Variants in RBFOX3 observed in about 807,000 individuals in gnomAD.
The protein encoded by RBFOX3 is RNA binding protein fox-1 homolog 3.
In RBFOX3, 17 loss-of-function variants were observed where a neutral mutation model predicts 48.7. The observed-to-expected ratio is 0.35, with a 90% CI of 0.24 to 0.52. RBFOX3 has a LOEUF of 0.52. Ranked by LOEUF, RBFOX3 falls within the 20% of genes least tolerant of loss-of-function variation. RBFOX3 has a pLI of 0.94. For missense variants in RBFOX3, 382 were observed against 497.5 expected, an observed-to-expected ratio of 0.77 and a Z score of 2.21; for synonymous variants, 212 against 209.5, an observed-to-expected ratio of 1.01 and a Z score of -0.10.
At chr17:79,210,902 T>C (rs192508344) in intron 4 of RBFOX3, among the ~76,000 whole-genome samples, 45 of 150,880 alleles carry the variant, frequency 3.0e-4, no homozygotes, top group Admixed American at 3.0e-3. Context: ...TGAGCACCTC[T>C]GCAGAGGGAT....
chr17:79,299,200 C>A lies in RBFOX3; in HGVS notation c.-74+8524G>T. Among the ~76,000 whole-genome samples the A allele has an allele frequency of 6.6e-6, 1 of 151,882 alleles. No homozygotes were observed. On this transcript the variant is annotated intron_variant, in intron 3 of 14. Transcript: ENST00000693108. The surrounding 1 kb of genome is among the most constrained non-coding windows in gnomAD (Gnocchi z 4.5). ...GTGGGATGTGAGGGCGGGTCCCATTCCTGAAAGTAAACCTGGCAAACCCTG... is the reference window on the plus strand; with the variant it reads ...GTGGGATGTGAGGGCGGGTCCCATTACTGAAAGTAAACCTGGCAAACCCTG...
At chr17:79,239,879 G>A (rs2062113562) in intron 3 of RBFOX3, among the ~76,000 whole-genome samples, 1 of 152,236 alleles carries the variant, frequency 6.6e-6, no homozygotes, top group Non-Finnish European at 1.5e-5. Flanking sequence ...TGGACACTTT[G>A]AGAATAATAT....
At chr17:79,521,943 C>T (rs1420648541) in intron 1 of RBFOX3, among the ~76,000 whole-genome samples, 1 of 152,140 alleles carries the variant, frequency 6.6e-6, no homozygotes, top group Non-Finnish European at 1.5e-5. Context: ...TCAGTGAAGT[C>T]GGTGGCTCAG....
At chr17:79,449,229 TA>T (rs1257519789) in intron 2 of RBFOX3, among the ~76,000 whole-genome samples, 1 of 151,924 alleles carries the variant, frequency 6.6e-6, no homozygotes, top group Non-Finnish European at 1.5e-5. Context: ...TGAAGAAAAT[TA>T]ACAATTACAG....
chr17:79,183,022 G>A (rs1301312997), intron 4 of RBFOX3, among the ~76,000 whole-genome samples: 2 of 150,372 alleles, frequency 1.3e-5, no homozygotes, highest in Non-Finnish European at 3.0e-5. Flanking sequence ...AAAGTTGCGA[G>A]CGACGCCCCA....
chr17:79,362,874 G>C lies in RBFOX3; in HGVS notation c.-174-55050C>G, dbSNP rs141164692. Among the ~76,000 whole-genome samples, 6 of 152,090 alleles carry C rather than the reference G, an allele frequency of 3.9e-5. No individual in the cohort carries two copies. The highest frequency in any genetic ancestry group is 1.4e-4 in the African/African-American group (6 of 41,418). On this transcript the variant is annotated intron_variant, in intron 2 of 14. Coordinates refer to ENST00000693108, the MANE Select transcript of RBFOX3 (RefSeq NM_001350451.2). The surrounding 1 kb of genome is among the most constrained non-coding windows in gnomAD (Gnocchi z 4.2). ...GGCTCTGTGTGCAGACCTCATTCTC[G>C]GACACTTCGAGGCCACACAGGTGTG...
chr17:79,625,470 T>C, the RBFOX3 span, among the ~76,000 whole-genome samples: 1 of 152,206 alleles, frequency 6.6e-6, no homozygotes, highest in Non-Finnish European at 1.5e-5. Context: ...AACATTTGGA[T>C]GGACATGTGC....
At chr17:79,377,631 C>A (rs537342809) in intron 2 of RBFOX3, among the ~76,000 whole-genome samples, 2 of 152,184 alleles carry the variant, frequency 1.3e-5, no homozygotes, top group African/African-American at 4.8e-5. Flanking sequence ...GGAGCCAGAA[C>A]GGCATTGTGT....
intron 2 of RBFOX3, among the ~76,000 whole-genome samples, chr17:79,367,795 G>A (rs1743366286): frequency 1.3e-5 from 2 of 152,134 alleles, no homozygotes; most frequent in African/African-American, 4.8e-5. Flanking sequence ...GTATGTGACA[G>A]AGGAGGAATC....
chr17:79,545,070 G>C (rs1555791483), intron 1 of RBFOX3, among the ~76,000 whole-genome samples: 2 of 151,712 alleles, frequency 1.3e-5, no homozygotes, highest in Admixed American at 1.3e-4. Flanking sequence ...AATGAATCCT[G>C]GGGGGAAGGA....
intron 2 of RBFOX3, among the ~76,000 whole-genome samples, chr17:79,337,148 C>T (rs545692862): frequency 4.3e-4 from 66 of 152,066 alleles, no homozygotes; most frequent in African/African-American, 1.3e-3. Flanking sequence ...GCTCTTATTT[C>T]GATAGTCCTG....
intron 1 of RBFOX3, among the ~76,000 whole-genome samples, chr17:79,568,168 G>A (rs1159808285): frequency 6.6e-6 from 1 of 152,096 alleles, no homozygotes; most frequent in Non-Finnish European, 1.5e-5. Context: ...CACATCTAGA[G>A]TACAAAGACT....
chr17:79,469,125 T>C (rs922350456), intron 2 of RBFOX3, among the ~76,000 whole-genome samples: 30 of 148,490 alleles, frequency 2.0e-4, no homozygotes, highest in Non-Finnish European at 3.7e-4. Context: ...AGCTCCTCTA[T>C]AGAGGAGAAA....
chr17:79,476,232 G>A (rs943462083), intron 2 of RBFOX3, among the ~76,000 whole-genome samples: 3 of 152,200 alleles, frequency 2.0e-5, no homozygotes, highest in Non-Finnish European at 2.9e-5. Context: ...TTTAACACAC[G>A]GAGTGACTAA....
In RBFOX3 at chr17:79,111,734, G is replaced by A. The variant is rs370579648; in HGVS notation, c.222+3760C>T. On this transcript the variant is annotated intron_variant, in intron 5 of 14. Coordinates refer to ENST00000693108, the MANE Select transcript of RBFOX3 (RefSeq NM_001350451.2). The surrounding 1 kb of genome is among the most constrained non-coding windows in gnomAD (Gnocchi z 4.2). ...AGGCGTGAGCCAACATGCCCGGCCC[G>A]TTAGCAAGCTGAGGGTCCCTTGAGC... 1.6e-3 allele frequency among the ~76,000 whole-genome samples: 240 copies of A among 152,324 alleles called. 1 individual carries two copies. The highest frequency in any genetic ancestry group is 2.0e-3 in the Non-Finnish European group (136 of 68,028).
intron 2 of RBFOX3, among the ~76,000 whole-genome samples, chr17:79,474,608 C>G (rs1226929250): frequency 6.6e-6 from 1 of 152,142 alleles, no homozygotes; most frequent in Non-Finnish European, 1.5e-5. Context: ...CTTTTGTATC[C>G]GTGAACTTCA....
the RBFOX3 span, among the ~76,000 whole-genome samples, chr17:79,650,348 G>T: frequency 6.6e-6 from 1 of 152,094 alleles, no homozygotes; most frequent in African/African-American, 2.4e-5. Context: ...CAGGGACGGG[G>T]CTGCTGATGG....
intron 2 of RBFOX3, among the ~76,000 whole-genome samples, chr17:79,345,977 G>C (rs1242965627): frequency 6.6e-6 from 1 of 152,110 alleles, no homozygotes; most frequent in South Asian, 2.1e-4. Context: ...CTGGAATGCA[G>C]TGGTGTGATC....
the RBFOX3 span, among the ~76,000 whole-genome samples, chr17:79,637,291 T>C: frequency 3.9e-5 from 6 of 152,132 alleles, no homozygotes; most frequent in Admixed American, 1.3e-4. Context: ...AGCAACAGTA[T>C]AGACCAAAAG....
Sources: gnomAD v4.1 joint callset for allele counts (sites outside exome capture counted in the v4.1 genomes callset) on GRCh38, gnomAD v4.1.1 for gene constraint, Gnocchi (gnomAD v3.1) non-coding constraint, MANE v1.5 for transcripts, NCBI Gene and HGNC (gene_info 2026-07-23, HGNC 2026-07-21) for gene names.